Variants in LRP2 observed in about 807,000 individuals in gnomAD.
LRP2 encodes LDL receptor related protein 2.
A neutral mutation model predicts 531.0 loss-of-function variants in LRP2; 172 were observed. The observed-to-expected ratio is 0.32, with a 90% CI of 0.29 to 0.37. LRP2 has a LOEUF of 0.37. Ranked by LOEUF, LRP2 falls within the 10% of genes least tolerant of loss-of-function variation. The pLI, the probability that LRP2 is intolerant of heterozygous loss-of-function variation, is 1.00. For missense variants in LRP2, 5,167 were observed against 5,868.3 expected (o/e 0.88, Z 3.90); for synonymous variants, 1,992 against 2,027.6 (o/e 0.98, Z 0.47).
chr2:169,335,892 G>A (rs1489155222), intron 1 of LRP2, among the ~76,000 whole-genome samples: 1 of 151,930 alleles, frequency 6.6e-6, no homozygotes, highest in East Asian at 1.9e-4. Flanking sequence ...GCATGCACCT[G>A]TAGTCCCAGC....
At chr2:169,291,794 A>G (rs550493257) in intron 7 of LRP2, among the ~76,000 whole-genome samples, 1 of 152,210 alleles carries the variant, frequency 6.6e-6, no homozygotes, top group Non-Finnish European at 1.5e-5. Flanking sequence ...CAGAATTTAC[A>G]AAACCAAAAC....
chr2:169,233,622 C>T, intron 29 of LRP2, 34 bp from the exon 30 acceptor site: 1 of 1,601,826 alleles, frequency 6.2e-7, no homozygotes, highest in South Asian at 1.1e-5. Flanking sequence ...AGACCTCATC[C>T]AAAAATCAAA....
At chr2:169,152,702 T>C (rs943724867) in intron 67 of LRP2, 97 bp downstream of exon 67, 62 of 1,399,080 alleles carry the variant, frequency 4.4e-5, no homozygotes, top group Non-Finnish European at 5.9e-5. Flanking sequence ...AGTGTACTCA[T>C]ATCCAGGCCC....
At chr2:169,285,426 A>G (rs1683829440) in intron 9 of LRP2, among the ~76,000 whole-genome samples, 1 of 152,206 alleles carries the variant, frequency 6.6e-6, no homozygotes, top group South Asian at 2.1e-4. Context: ...AGACAAGAAA[A>G]ATAAAAGTAG....
At chr2:169,150,659 A>G (rs746780788) in intron 68 of LRP2, among the ~76,000 whole-genome samples, 2 of 152,212 alleles carry the variant, frequency 1.3e-5, no homozygotes, top group Non-Finnish European at 2.9e-5. Context: ...TTTGGCAAGG[A>G]ATCCATGTAA....
intron 1 of LRP2, among the ~76,000 whole-genome samples, chr2:169,337,373 T>C (rs1288891653): frequency 6.6e-6 from 1 of 152,158 alleles, no homozygotes; most frequent in African/African-American, 2.4e-5. Context: ...ACATAGGTTG[T>C]GGTACCATGT....
chr2:169,288,016 A>G (rs1683904481), intron 9 of LRP2, among the ~76,000 whole-genome samples: 1 of 152,116 alleles, frequency 6.6e-6, no homozygotes, highest in African/African-American at 2.4e-5. Flanking sequence ...ATATCCTGGG[A>G]AAATTCTGAA....
intron 44 of LRP2, 104 bp downstream of exon 44, chr2:169,201,524 A>T: frequency 6.7e-7 from 1 of 1,486,508 alleles, no homozygotes; most frequent in East Asian, 2.4e-5. Flanking sequence ...ATAAATACTT[A>T]GGGTTTTTAT....
At position 169,284,256 on chromosome 2, in the gene LRP2, C is replaced by CTTTTTTTTTTTTTT. The variant is rs1216987363; in HGVS notation, c.1043-1269_1043-1256dup. Among the ~76,000 whole-genome samples, 23 of 96,658 alleles carry CTTTTTTTTTTTTTT rather than the reference C, an allele frequency of 2.4e-4. 1 individual carries two copies. The highest frequency in any genetic ancestry group is 4.4e-4 in the African/African-American group (10 of 22,686). 63.4% of individuals were successfully genotyped at this position (96,658 alleles called of 152,430 possible). A position where few individuals can be genotyped will look rare whatever the true frequency, so the allele number is the denominator to read the frequency against. On this transcript the variant is annotated intron_variant, in intron 9 of 78. Coordinates refer to ENST00000649046, the MANE Select transcript of LRP2 (RefSeq NM_004525.3). ...CTTTTCTTTTCTTTTTCTTTTTTTT[C>CTTTTTTTTTTTTTT]TTTTTTTTTTTTTTTTTTTTTTTTT...
intron 29 of LRP2, 78 bp from the exon 30 acceptor site, chr2:169,233,666 T>A: frequency 3.2e-6 from 4 of 1,254,296 alleles, no homozygotes; most frequent in Non-Finnish European, 4.7e-6. Flanking sequence ...GGATATCTGC[T>A]CAAGAAGACG....
At chr2:169,202,669 A>G in intron 43 of LRP2, 87 bp downstream of exon 43, 1 of 1,359,948 alleles carries the variant, frequency 7.4e-7, no homozygotes, top group Non-Finnish European at 1.1e-6. Context: ...CATTTCAAAC[A>G]CATTCACACA....
At chr2:169,260,783 T>G (rs1690514247) in intron 16 of LRP2, among the ~76,000 whole-genome samples, 2 of 151,898 alleles carry the variant, frequency 1.3e-5, no homozygotes, top group African/African-American at 4.8e-5. Flanking sequence ...TGTGAAATTA[T>G]TCAGAGAGAG....
In LRP2 at chr2:169,362,182, C is replaced by T. The variant is rs1338664375; in HGVS notation, c.79+139G>A. ...CCGGCTTCGCGAAGCAACCTGAGCG[C>T]CCCACCGGGAGCAGCTCCCGCGCCG... On this transcript the variant is annotated intron_variant, in intron 1 of 78. Transcript: ENST00000649046. 14 of 661,878 alleles carry T rather than the reference C, an allele frequency of 2.1e-5. 1 individual carries two copies. The East Asian group carries it at 4.5e-4, about 21-fold the overall frequency. The allele number at this position is 661,878 out of a possible 1,614,324, so 41.0% of individuals were successfully genotyped here.
At chr2:169,132,245 G>A (rs558336265) in intron 77 of LRP2, among the ~76,000 whole-genome samples, 34 of 152,294 alleles carry the variant, frequency 2.2e-4, no homozygotes, top group African/African-American at 8.2e-4. Context: ...TTGACACCGT[G>A]AAATCTTTAT....
At chr2:169,198,346 A>G (rs1688074914) in intron 45 of LRP2, among the ~76,000 whole-genome samples, 1 of 152,166 alleles carries the variant, frequency 6.6e-6, no homozygotes, top group South Asian at 2.1e-4. Context: ...CACAGGAGGC[A>G]GAGGCTGCGG....
At chr2:169,178,308 C>A (rs750414087) in intron 52 of LRP2, among the ~76,000 whole-genome samples, 11 of 152,148 alleles carry the variant, frequency 7.2e-5, no homozygotes, top group Non-Finnish European at 1.6e-4. Context: ...TGCTTTCCTG[C>A]GGATGAAGCT....
intron 33 of LRP2, among the ~76,000 whole-genome samples, chr2:169,224,018 TG>T (rs35410668): frequency 0.026 from 3,990 of 152,276 alleles, 76 homozygotes; most frequent in Non-Finnish European, 0.037. Flanking sequence ...CACTCATCCA[TG>T]GGGGATACAT....
Position 169,172,116 on chromosome 2 carries a change from G to A in LRP2, c.11162C>T (p.Pro3721Leu), listed in dbSNP as rs1687028573. ...EQGCEERTCH[P>L]VGDFRCKNHH... ...ATTTTTACAGCGGAAATCCCCCACAGGATGGCATGTCCTCTCCTCTGCAAA... is the reference window on the plus strand; with the variant it reads ...ATTTTTACAGCGGAAATCCCCCACAAGATGGCATGTCCTCTCCTCTGCAAA... The change falls in exon 58 of 79, where the codon CCT (proline) becomes CTT (leucine). Residue 3721 changes from proline (P) to leucine (L), a missense_variant. By Grantham distance (98) the Pro-to-Leu change is moderately conservative. This residue lies in a region of LRP2 where 311 missense variants were observed against 309.4 expected (regional missense o/e 1.01). Coordinates refer to ENST00000649046, the MANE Select transcript of LRP2 (RefSeq NM_004525.3). 1 of 1,614,168 alleles carries A rather than the reference G, an allele frequency of 6.2e-7. No homozygotes were observed. Among genetic ancestry groups the A allele is most frequent in the African/African-American group, 1.3e-5 (1 of 75,042 alleles).
chr2:169,272,314 A>G (rs73035802), intron 15 of LRP2, among the ~76,000 whole-genome samples: 3,053 of 152,216 alleles, frequency 0.02, 113 homozygotes, highest in African/African-American at 0.068. Context: ...GGAAACCTTC[A>G]AGGTAAGAAT....
Sources: allele counts gnomAD v4.1 joint callset (sites outside exome capture counted in the v4.1 genomes callset), GRCh38; gene constraint gnomAD v4.1.1; regional missense constraint gnomAD v4.1.1; transcripts MANE v1.5; gene names NCBI Gene and HGNC (gene_info 2026-07-23, HGNC 2026-07-21).